ARHGAP6: variants seen among roughly 807,000 people sequenced by gnomAD.
ARHGAP6 encodes the protein Rho GTPase activating protein 6, also known as rho GTPase-activating protein 6.
ARHGAP6 carries 16 observed loss-of-function variants against 55.7 expected under a neutral mutation model. The ratio of observed to expected loss-of-function variants is 0.29; its 90% confidence interval spans 0.19 to 0.44. The LOEUF is 0.44. ARHGAP6 is among the 20% of genes least tolerant of loss of function. The probability of loss-of-function intolerance (pLI) is 1.00; values close to 1 mark genes in which losing one functional copy is unlikely to be tolerated. For missense variants in ARHGAP6, 698 were observed against 808.9 expected, an observed-to-expected ratio of 0.86 and a Z score of 1.66; for synonymous variants, 382 against 360.9, an observed-to-expected ratio of 1.06 and a Z score of -0.66.
chrX:11,147,583 A>G (rs1457658025), intron 10 of ARHGAP6, among the ~76,000 whole-genome samples: 2 of 112,377 alleles, frequency 1.8e-5, no homozygotes, highest in East Asian at 5.6e-4. Flanking sequence ...TCCATTTTCC[A>G]CTTCTAAATC....
intron 2 of ARHGAP6, among the ~76,000 whole-genome samples, chrX:11,223,643 T>A (rs1003634578): frequency 8.9e-6 from 1 of 112,015 alleles, no homozygotes; most frequent in African/African-American, 3.2e-5. Context: ...ATGTCGTAAA[T>A]AGGTTATCTA....
intron 1 of ARHGAP6, among the ~76,000 whole-genome samples, chrX:11,382,477 T>C (rs745409038): frequency 5.4e-5 from 6 of 111,891 alleles, no homozygotes; most frequent in Non-Finnish European, 1.1e-4. Flanking sequence ...CCTATTTTCA[T>C]TGTTGTCCCA....
intron 1 of ARHGAP6, among the ~76,000 whole-genome samples, chrX:11,636,922 T>C (rs5979444): frequency 0.12 from 13,785 of 110,917 alleles, 791 homozygotes; most frequent in Middle Eastern, 0.22. Context: ...AATTTAACAA[T>C]AACTTCAGTC....
intron 1 of ARHGAP6, among the ~76,000 whole-genome samples, chrX:11,432,684 G>A (rs1239965487): frequency 8.9e-6 from 1 of 111,798 alleles, no homozygotes; most frequent in African/African-American, 3.3e-5. Context: ...CAAACTCCAG[G>A]ATCAGAAAGG....
chrX:11,512,613 G>T (rs188052632), intron 1 of ARHGAP6, among the ~76,000 whole-genome samples: 1 of 111,315 alleles, frequency 9.0e-6, no homozygotes, highest in Admixed American at 9.7e-5. Context: ...GATCTTAAGA[G>T]ATCTTGAGTG....
chrX:11,180,338 A>G (rs1407035435), intron 6 of ARHGAP6, among the ~76,000 whole-genome samples: 1 of 111,084 alleles, frequency 9.0e-6, no homozygotes, highest in Non-Finnish European at 1.9e-5. Context: ...CTTCTCTAAG[A>G]GTTCATTTGT....
chrX:11,216,102 T>C (rs1255969906), intron 2 of ARHGAP6, among the ~76,000 whole-genome samples: 1 of 109,923 alleles, frequency 9.1e-6, no homozygotes, highest in Non-Finnish European at 1.9e-5. Context: ...TGATTCCATG[T>C]ATAGCGCTGC....
intron 1 of ARHGAP6, among the ~76,000 whole-genome samples, chrX:11,532,703 T>C (rs2051064398): frequency 9.3e-6 from 1 of 107,229 alleles, no homozygotes; most frequent in Non-Finnish European, 1.9e-5. Context: ...GCATTAAAGA[T>C]AAACTTTTAT....
At chrX:11,200,110 C>T (rs777668226) in intron 2 of ARHGAP6, among the ~76,000 whole-genome samples, 1 of 112,402 alleles carries the variant, frequency 8.9e-6, no homozygotes, top group African/African-American at 3.2e-5. Flanking sequence ...TGGTTAAATG[C>T]CATTCTGTCT....
intron 1 of ARHGAP6, among the ~76,000 whole-genome samples, chrX:11,483,278 C>T (rs1381952721): frequency 8.9e-6 from 1 of 111,958 alleles, no homozygotes; most frequent in East Asian, 2.8e-4. Context: ...CACTTAGCCT[C>T]AGATGCCGAG....
intron 1 of ARHGAP6, among the ~76,000 whole-genome samples, chrX:11,540,302 A>C (rs757266407): frequency 9.0e-6 from 1 of 110,721 alleles, no homozygotes; most frequent in East Asian, 2.8e-4. Flanking sequence ...AACAAGTGCA[A>C]TATTGAAAAG....
intron 1 of ARHGAP6, among the ~76,000 whole-genome samples, chrX:11,267,035 A>C (rs1361594799): frequency 9.0e-6 from 1 of 111,322 alleles, no homozygotes; most frequent in Non-Finnish European, 1.9e-5. Flanking sequence ...TACTGCACAT[A>C]CCTCCACCAC....
chrX:11,152,973 G>C (rs1009896877), intron 10 of ARHGAP6, among the ~76,000 whole-genome samples: 3 of 112,090 alleles, frequency 2.7e-5, no homozygotes, highest in Admixed American at 9.4e-5. Context: ...GGGCTGGTGA[G>C]TCTGACAGCC....
At chrX:11,642,834 G>A (rs2052489125) in intron 1 of ARHGAP6, among the ~76,000 whole-genome samples, 1 of 111,089 alleles carries the variant, frequency 9.0e-6, no homozygotes, top group African/African-American at 3.3e-5. Flanking sequence ...TTTCTTCTTG[G>A]GGGTGATAAA....
At chrX:11,545,357 C>G (rs1191521217) in intron 1 of ARHGAP6, among the ~76,000 whole-genome samples, 1 of 112,206 alleles carries the variant, frequency 8.9e-6, no homozygotes, top group Non-Finnish European at 1.9e-5. Flanking sequence ...TTTCAATAAC[C>G]TTGAAATCTA....
rs1371284201 is a variant in ARHGAP6, at chrX:11,303,742, C to A, written c.589-49035G>T. 2.7e-5 allele frequency among the ~76,000 whole-genome samples: 3 copies of A among 111,667 alleles called. No individual in the cohort carries two copies. The Admixed American group carries it at 2.8e-4, about 11-fold the overall frequency. ...AGTGTCCACAGAAGCACAAAGCCGG[C>A]TTTCCAGTGTGATGGTAGGGGGTGC... On this transcript the variant is annotated intron_variant, in intron 1 of 12. Transcript: ENST00000337414.
At chrX:11,506,851 C>T (rs1008196630) in intron 1 of ARHGAP6, among the ~76,000 whole-genome samples, 5 of 111,732 alleles carry the variant, frequency 4.5e-5, no homozygotes, top group African/African-American at 1.6e-4. Context: ...TTTACAGTCC[C>T]ACCGACAGTG....
At chrX:11,359,948 T>G (rs980106495) in intron 1 of ARHGAP6, among the ~76,000 whole-genome samples, 1 of 111,522 alleles carries the variant, frequency 9.0e-6, no homozygotes, top group Admixed American at 9.5e-5. Flanking sequence ...CTCCCAAGAC[T>G]AAACCAGGAA....
intron 11 of ARHGAP6, 60 bp downstream of exon 11, chrX:11,143,920 C>T (rs1480253719): frequency 8.3e-7 from 1 of 1,211,608 alleles, no homozygotes; most frequent in South Asian, 1.8e-5. Context: ...CACCATGCCA[C>T]ATGCAACAAG....
Sources: allele counts gnomAD v4.1 joint callset (sites outside exome capture counted in the v4.1 genomes callset), GRCh38; gene constraint gnomAD v4.1.1; transcripts MANE v1.5; gene names NCBI Gene and HGNC (gene_info 2026-07-23, HGNC 2026-07-21).